SLC7A11: variants seen among roughly 807,000 people sequenced by gnomAD.
SLC7A11 encodes cystine/glutamate transporter.
Under a neutral mutation model 54.5 loss-of-function variants are expected in SLC7A11, and 35 were observed. The ratio of observed to expected loss-of-function variants is 0.64; its 90% CI spans 0.49 to 0.85. The LOEUF is 0.85. Among genes scored for constraint, SLC7A11 ranks in the 40% least tolerant of loss-of-function variants. SLC7A11 has a pLI of 0.00. For missense variants in SLC7A11, 583 were observed against 618.1 expected (o/e 0.94, Z 0.60); for synonymous variants, 230 against 225.2 (o/e 1.02, Z -0.19).
chr4:138,214,221 A>C (rs1486291750), intron 6 of SLC7A11, among the ~76,000 whole-genome samples: 1 of 152,046 alleles, frequency 6.6e-6, no homozygotes, highest in Non-Finnish European at 1.5e-5. Context: ...AGAAATAATT[A>C]ACTTTTTGAG....
chr4:138,196,023 G>A (rs951414529), intron 6 of SLC7A11, among the ~76,000 whole-genome samples: 1 of 152,118 alleles, frequency 6.6e-6, no homozygotes, highest in African/African-American at 2.4e-5. Flanking sequence ...AAGCAGTGAA[G>A]AGAAAGGGGA....
At chr4:138,195,485 C>T (rs1446079078) in intron 6 of SLC7A11, among the ~76,000 whole-genome samples, 1 of 152,048 alleles carries the variant, frequency 6.6e-6, no homozygotes, top group African/African-American at 2.4e-5. Context: ...AAAAATTCAT[C>T]CTCTCACGGA....
Position 138,241,968 on chromosome 4 carries a change from C to T in SLC7A11, c.102G>A (p.Gly34=), listed in dbSNP as rs774469609. The T allele has an allele frequency of 1.7e-5, 27 of 1,614,056 alleles. No homozygotes were observed. The highest frequency in any genetic ancestry group is 2.1e-5 in the Non-Finnish European group (25 of 1,180,030). The change falls in exon 1 of 12, where the codon GGG becomes GGA. Residue 34 remains glycine (G), a synonymous_variant. Coordinates refer to ENST00000280612, the MANE Select transcript of SLC7A11 (RefSeq NM_014331.4). ...LPSLGNKEPP[G]QEKVQLKRKV... The stretch of plus-strand genomic sequence containing the variant: ...TCCTCTTCAGCTGCACTTTCTCCTG[C>T]CCAGGTGGCTCCTTGTTGCCCAGGG...
At chr4:138,217,126 C>T (rs1319564533) in intron 5 of SLC7A11, among the ~76,000 whole-genome samples, 1 of 135,718 alleles carries the variant, frequency 7.4e-6, no homozygotes, top group Non-Finnish European at 1.7e-5. Context: ...ATTATTTCTG[C>T]GTCTTCACAA....
In SLC7A11 at chr4:138,241,991, G is replaced by A; in HGVS notation, c.79C>T (p.Leu27=). 2 of 1,614,170 alleles carry A rather than the reference G, an allele frequency of 1.2e-6. No homozygotes were observed. Among genetic ancestry groups the A allele is most frequent in the Non-Finnish European group, 1.7e-6 (2 of 1,180,032 alleles). ...TGCCCAGGTGGCTCCTTGTTGCCCAGGGAAGGCAGCCTCCCGTTAACATTT... is the reference window on the plus strand; with the variant it reads ...TGCCCAGGTGGCTCCTTGTTGCCCAAGGAAGGCAGCCTCCCGTTAACATTT... ...QGNVNGRLPS[L]GNKEPPGQEK... is the part of the protein sequence containing the mutation. Residue 27 remains leucine (L), a synonymous_variant, in exon 1 of 12, where the codon CTG becomes TTG. Transcript: ENST00000280612.
chr4:138,182,423 A>G, intron 8 of SLC7A11, 30 bp from the exon 9 acceptor site: 1 of 1,319,154 alleles, frequency 7.6e-7, no homozygotes, highest in South Asian at 1.2e-5. Context: ...GGTGGAGTTG[A>G]CTGTATGATT....
intron 11 of SLC7A11, chr4:138,177,043 G>A (rs1027564485): frequency 5.9e-5 from 9 of 151,790 alleles, no homozygotes; most frequent in African/African-American, 2.2e-4. Flanking sequence ...ATTTCTTTGG[G>A]GAAACAAAAT....
chr4:138,213,976 A>T (rs552931612), intron 6 of SLC7A11, among the ~76,000 whole-genome samples: 118 of 152,262 alleles, frequency 7.7e-4, no homozygotes, highest in African/African-American at 2.6e-3. Flanking sequence ...AAATTATAAG[A>T]ATAATTCATT....
intron 6 of SLC7A11, among the ~76,000 whole-genome samples, chr4:138,197,391 AC>A (rs1737164597): frequency 6.6e-6 from 1 of 152,150 alleles, no homozygotes; most frequent in Non-Finnish European, 1.5e-5. Context: ...GGTAAAAAGA[AC>A]AAAAGACAAA....
chr4:138,181,383 C>T (rs1736738250), intron 9 of SLC7A11, among the ~76,000 whole-genome samples: 2 of 151,924 alleles, frequency 1.3e-5, no homozygotes, highest in African/African-American at 4.8e-5. Context: ...GAATGAAGCG[C>T]AGAGATCAGC....
In SLC7A11 at chr4:138,167,810, C is replaced by T. The variant is rs929075860; in HGVS notation, c.*4146G>A. The T allele has an allele frequency of 6.6e-6, 1 of 152,086 alleles. No homozygotes were observed. Among genetic ancestry groups the T allele is most frequent in the Non-Finnish European group, 1.5e-5 (1 of 67,986 alleles). 9.4% of individuals were successfully genotyped at this position (152,086 alleles called of 1,614,324 possible). On this transcript the variant is annotated 3_prime_UTR_variant, in exon 12 of 12. Transcript: ENST00000280612. ...GGGTAAAGTGAAGCAAGAATATATTCAAGTAAAATAAAATGTCTTTCATGG... is the reference window on the plus strand; with the variant it reads ...GGGTAAAGTGAAGCAAGAATATATTTAAGTAAAATAAAATGTCTTTCATGG...
intron 1 of SLC7A11, among the ~76,000 whole-genome samples, chr4:138,238,436 C>T (rs1403863707): frequency 6.6e-6 from 1 of 152,166 alleles, no homozygotes; most frequent in Non-Finnish European, 1.5e-5. Context: ...TTCCAATCTA[C>T]TTCTGAGAAT....
chr4:138,227,019 T>G (rs1737961839), intron 3 of SLC7A11, among the ~76,000 whole-genome samples: 1 of 152,132 alleles, frequency 6.6e-6, no homozygotes, highest in Non-Finnish European at 1.5e-5. Flanking sequence ...GAAATACATA[T>G]TTGAAGGAAG....
intron 6 of SLC7A11, among the ~76,000 whole-genome samples, chr4:138,210,420 T>C (rs1737519095): frequency 6.6e-6 from 1 of 151,982 alleles, no homozygotes; most frequent in Non-Finnish European, 1.5e-5. Context: ...AAAGAGCTTC[T>C]GCACAGGAAA....
At chr4:138,226,703 A>C (rs1737957349) in intron 3 of SLC7A11, among the ~76,000 whole-genome samples, 1 of 152,208 alleles carries the variant, frequency 6.6e-6, no homozygotes, top group Non-Finnish European at 1.5e-5. Context: ...TAAATGCAAG[A>C]GCTTTCTAAG....
intron 6 of SLC7A11, among the ~76,000 whole-genome samples, chr4:138,200,012 G>A (rs898429771): frequency 2.6e-5 from 4 of 152,068 alleles, no homozygotes; most frequent in Non-Finnish European, 5.9e-5. Flanking sequence ...AGCAGCTAGC[G>A]AATAGTACCT....
intron 2 of SLC7A11, among the ~76,000 whole-genome samples, chr4:138,233,405 C>T (rs531330187): frequency 6.4e-4 from 98 of 152,162 alleles, no homozygotes; most frequent in Non-Finnish European, 1.1e-3. Context: ...AGGCTGGTCT[C>T]GAACTTCTGA....
At chr4:138,200,559 T>C (rs1431235167) in intron 6 of SLC7A11, among the ~76,000 whole-genome samples, 1 of 152,142 alleles carries the variant, frequency 6.6e-6, no homozygotes, top group Admixed American at 6.6e-5. Context: ...GCTAAAATCT[T>C]GCCATAGCCA....
At chr4:138,236,548 T>G in intron 1 of SLC7A11, 97 bp from the exon 2 acceptor site, 1 of 1,168,668 alleles carries the variant, frequency 8.6e-7, no homozygotes, top group Non-Finnish European at 1.2e-6. Context: ...TTGCCTGAGA[T>G]GTAACTGCCT....
Sources: allele counts gnomAD v4.1 joint callset (sites outside exome capture counted in the v4.1 genomes callset), GRCh38; gene constraint gnomAD v4.1.1; transcripts MANE v1.5; gene names NCBI Gene and HGNC (gene_info 2026-07-23, HGNC 2026-07-21).